PIK3C3: variants seen among roughly 807,000 people sequenced by gnomAD.
PIK3C3 encodes PI3-kinase type 3.
Under a neutral mutation model 126.1 loss-of-function variants are expected in PIK3C3, and 95 were observed. The ratio of observed to expected loss-of-function variants is 0.75; its 90% confidence interval spans 0.64 to 0.89. The LOEUF is 0.89. PIK3C3 is among the 40% of genes least tolerant of loss of function. The probability of loss-of-function intolerance (pLI) is 0.00; values close to 1 mark genes in which losing one functional copy is unlikely to be tolerated. For synonymous variants in PIK3C3, 374 were observed against 360.0 expected (o/e 1.04, Z -0.44); for missense variants, 829 against 1,063.2 (o/e 0.78, Z 3.06).
At chr18:41,992,852 A>G (rs941365986) in intron 6 of PIK3C3, among the ~76,000 whole-genome samples, 2 of 152,080 alleles carry the variant, frequency 1.3e-5, no homozygotes, top group Admixed American at 6.6e-5. Context: ...AAAATTACCA[A>G]CATCCACTTA....
intron 21 of PIK3C3, among the ~76,000 whole-genome samples, chr18:42,055,589 T>C (rs1445481983): frequency 6.6e-6 from 1 of 152,084 alleles, no homozygotes; most frequent in Non-Finnish European, 1.5e-5. Flanking sequence ...CCAGGTTATA[T>C]ATAAAAAATT....
chr18:42,027,014 A>G (rs1260699622), intron 13 of PIK3C3: 1 of 152,284 alleles, frequency 6.6e-6, no homozygotes, highest in Non-Finnish European at 1.5e-5. Context: ...AGTGACAAGA[A>G]TAGCTTCAGA....
At chr18:42,065,407 TAGGA>T (rs1985494052) in intron 23 of PIK3C3, among the ~76,000 whole-genome samples, 1 of 152,088 alleles carries the variant, frequency 6.6e-6, no homozygotes, top group Non-Finnish European at 1.5e-5. Context: ...ACATTAAAAC[TAGGA>T]AGGAAGAACA....
intron 4 of PIK3C3, 193 bp downstream of exon 4, chr18:41,970,649 A>C: frequency 1.6e-6 from 1 of 629,532 alleles, no homozygotes; most frequent in African/African-American, 1.8e-5. Flanking sequence ...TGGTTTAGTA[A>C]ATTTACAGAC....
At chr18:42,040,067 T>C (rs763352039) in intron 18 of PIK3C3, among the ~76,000 whole-genome samples, 1 of 152,052 alleles carries the variant, frequency 6.6e-6, no homozygotes, top group Non-Finnish European at 1.5e-5. Flanking sequence ...CTTTTTTTTT[T>C]AATATATCCA....
intron 18 of PIK3C3, among the ~76,000 whole-genome samples, chr18:42,039,285 C>A (rs1984198555): frequency 6.6e-6 from 1 of 152,278 alleles, no homozygotes; most frequent in Non-Finnish European, 1.5e-5. Context: ...AAACAAAATA[C>A]ATGCTTTAGG....
intron 24 of PIK3C3, among the ~76,000 whole-genome samples, chr18:42,069,984 C>G (rs2144524404): frequency 6.6e-6 from 1 of 152,206 alleles, no homozygotes; most frequent in Admixed American, 6.5e-5. Context: ...GTAATGTTAG[C>G]TGGCTTCACT....
At chr18:42,025,848 TA>T (rs1983542432) in intron 13 of PIK3C3, 1 of 152,216 alleles carries the variant, frequency 6.6e-6, no homozygotes, top group South Asian at 2.1e-4. Context: ...AGAGTGGAAT[TA>T]TTCATTCAAC....
chr18:42,058,331 A>T (rs1248648090), intron 22 of PIK3C3, among the ~76,000 whole-genome samples: 1 of 152,218 alleles, frequency 6.6e-6, no homozygotes, highest in Non-Finnish European at 1.5e-5. Flanking sequence ...GGAGGCTTCC[A>T]ACTCAATGGT....
rs765179468 is a variant in PIK3C3 at position 42,029,489 on chromosome 18, G to A, written c.1707+48G>A. The A allele has an allele frequency of 7.3e-6, 6 of 820,016 alleles. No individual in the cohort carries two copies. The African/African-American group carries it at 1.0e-4, about 14-fold the overall frequency. The allele number at this position is 820,016 out of a possible 1,614,324, so 50.8% of individuals were successfully genotyped here. On this transcript the variant is annotated intron_variant, in intron 15 of 24. Transcript: ENST00000262039. ...TGTTCCTAATAGCATCTTGGCATCA[G>A]AAAATACTGAATTTTCACTATTGTC... is the stretch of plus-strand genomic sequence containing the variant.
In PIK3C3 at chr18:42,043,539, AAC is replaced by A. The variant is rs533267018; in HGVS notation, c.2104-190_2104-189del. ...CTGGGGTGGGTGGTGGGGGACATTAAACACAGTTTCCCCTAATGGAAACTCTA... is the reference window on the plus strand; with the variant it reads ...CTGGGGTGGGTGGTGGGGGACATTAAACAGTTTCCCCTAATGGAAACTCTA... On this transcript the variant is annotated intron_variant, in intron 19 of 24. Transcript: ENST00000262039. Among the ~76,000 whole-genome samples, 27 of 152,206 alleles carry A rather than the reference AAC, an allele frequency of 1.8e-4. No individual in the cohort carries two copies. The South Asian group carries it at 5.4e-3, about 30-fold the overall frequency.
At chr18:41,980,031 T>A (rs77061777) in intron 4 of PIK3C3, among the ~76,000 whole-genome samples, 6 of 152,120 alleles carry the variant, frequency 3.9e-5, no homozygotes, top group Admixed American at 3.3e-4. Context: ...TGTGAAATAA[T>A]GTTGATGAAT....
At chr18:42,008,158 T>G (rs1982639034) in intron 10 of PIK3C3, among the ~76,000 whole-genome samples, 1 of 152,188 alleles carries the variant, frequency 6.6e-6, no homozygotes, top group Non-Finnish European at 1.5e-5. Context: ...CTGAATTTGA[T>G]TTGTTAATAT....
intron 21 of PIK3C3, among the ~76,000 whole-genome samples, chr18:42,054,158 A>C (rs866983300): frequency 0.033 from 1,370 of 41,102 alleles, 103 homozygotes; most frequent in South Asian, 0.14. Flanking sequence ...ATATATATAT[A>C]TATATATATA....
rs774620242 is a variant in PIK3C3, at chr18:42,020,663, C to T, written c.1442C>T (p.Ser481Leu). 12 of 1,603,900 alleles carry T rather than the reference C, an allele frequency of 7.5e-6. No homozygotes were observed. The highest frequency in any genetic ancestry group is 1.3e-5 in the African/African-American group (1 of 74,620). Residue 481 changes from serine (S) to leucine (L), a missense_variant, in exon 13 of 25, where the codon TCG becomes TTG. Ser to Leu is a moderately radical substitution (Grantham distance 145, BLOSUM62 -2). Around this residue, in one of 4 missense-constraint regions of PIK3C3, gnomAD observed 256 missense variants for 291.0 expected, o/e 0.88. Transcript: ENST00000262039. ...CAAGATCTCTGTACCTTCTTGATAT[C>T]GAGAGCCTGCAAAAACTCAACACTG... is the stretch of plus-strand genomic sequence containing the variant. ...LEQDLCTFLI[S>L]RACKNSTLAN... is the part of the protein sequence containing the mutation.
chr18:41,982,815 G>A (rs767962003), intron 4 of PIK3C3, among the ~76,000 whole-genome samples: 7 of 152,076 alleles, frequency 4.6e-5, no homozygotes, highest in Non-Finnish European at 7.4e-5. Flanking sequence ...GAATCATACC[G>A]TATCTGTGTG....
At chr18:42,057,736 G>C in intron 21 of PIK3C3, 147 bp from the exon 22 acceptor site, 1 of 683,330 alleles carries the variant, frequency 1.5e-6, no homozygotes, top group Non-Finnish European at 2.4e-6. Context: ...CAAACCTGCA[G>C]TTAGAAATAT....
intron 21 of PIK3C3, among the ~76,000 whole-genome samples, chr18:42,053,613 A>C (rs139826644): frequency 2.0e-5 from 3 of 152,166 alleles, no homozygotes; most frequent in Admixed American, 6.5e-5. Flanking sequence ...TTTCCCAAGA[A>C]TCATTGTCCT....
chr18:41,999,614 T>C (rs62082279), intron 9 of PIK3C3, among the ~76,000 whole-genome samples: 91 of 152,332 alleles, frequency 6.0e-4, no homozygotes, highest in Admixed American at 1.2e-3. Flanking sequence ...TCAGGTATCA[T>C]GTCCTTGTAT....
Sources: gnomAD v4.1 joint callset for allele counts (sites outside exome capture counted in the v4.1 genomes callset) on GRCh38, gnomAD v4.1.1 for gene constraint, gnomAD v4.1.1 regional missense constraint, MANE v1.5 for transcripts, NCBI Gene and HGNC (gene_info 2026-07-23, HGNC 2026-07-21) for gene names.